The following ZNF175 variants were observed in gnomAD, a reference collection of about 807,000 sequenced individuals.
ZNF175 encodes the protein zinc finger protein OTK18.
A neutral mutation model predicts 14.0 loss-of-function variants in ZNF175; 8 were observed. That is an observed-to-expected ratio of 0.57 (90% confidence interval 0.34 to 1.03). ZNF175 has a LOEUF of 1.03. ZNF175 is among the 50% of genes least tolerant of loss of function. ZNF175 has a pLI of 0.03. For missense variants in ZNF175, 764 were observed against 849.5 expected, an observed-to-expected ratio of 0.90 and a Z score of 1.25; for synonymous variants, 255 against 296.8, an observed-to-expected ratio of 0.86 and a Z score of 1.45.
intron 2 of ZNF175, chr19:51,573,635 TC>T (rs1448020405): frequency 3.9e-6 from 2 of 515,940 alleles, no homozygotes; most frequent in Non-Finnish European, 6.7e-6. Context: ...GAAACTGTAG[TC>T]CCTGGTCTGA....
rs1056744832 is a variant in ZNF175, at chr19:51,581,474, C to T, written c.156C>T (p.Tyr52=). ...QQLDPAQRCL[Y]RDVMLELYSH... is the part of the protein sequence containing the mutation. ...TGGACCCTGCCCAGAGATGCCTGTA[C>T]CGGGATGTGATGCTGGAGCTCTATA... is the stretch of plus-strand genomic sequence containing the variant. Residue 52 remains tyrosine, a synonymous_variant, in exon 3 of 5, where the codon TAC becomes TAT. Coordinates refer to ENST00000262259, the MANE Select transcript of ZNF175 (RefSeq NM_007147.4). The T allele has an allele frequency of 3.1e-6, 5 of 1,613,936 alleles. No homozygotes were observed. The African/African-American group carries it at 6.7e-5, about 22-fold the overall frequency.
At chr19:51,579,188 G>A (rs1444823434) in intron 2 of ZNF175, among the ~76,000 whole-genome samples, 1 of 149,908 alleles carries the variant, frequency 6.7e-6, no homozygotes, top group Non-Finnish European at 1.5e-5. Context: ...AGGAGTCAGA[G>A]GCTGCAGTGA....
Position 51,586,743 on chromosome 19 carries a change from C to A in ZNF175, c.412C>A (p.Leu138Met). 6.2e-7 allele frequency: 1 copy of A among 1,614,190 alleles called. No individual in the cohort carries two copies. Among genetic ancestry groups the A allele is most frequent in the Non-Finnish European group, 8.5e-7 (1 of 1,180,028 alleles). The change falls in exon 5 of 5, where the codon CTG becomes ATG. Residue 138 changes from leucine to methionine, a missense_variant. Transcript: ENST00000262259. ...DGSWCSILEE[L>M]RLDADRTKKD... ...TTCATGGTGTTCCATTTTAGAAGAA[C>A]TGAGGCTGGATGCTGACCGCACAAA...
intron 2 of ZNF175, among the ~76,000 whole-genome samples, chr19:51,579,567 T>C (rs914074385): frequency 2.5e-4 from 38 of 152,206 alleles, no homozygotes; most frequent in Non-Finnish European, 7.3e-5. Context: ...CTCCCATGCC[T>C]GTACCAAAAT....
At position 51,587,780 on chromosome 19, in the gene ZNF175, C is replaced by T. The variant is rs765177759; in HGVS notation, c.1449C>T (p.Ser483=). The change falls in exon 5 of 5, where the codon TCC becomes TCT. Residue 483 remains serine, a synonymous_variant. Transcript: ENST00000262259. Reference sequence around the variant, plus strand: ...ATCAGTGCCACAACTGTGGGAAATCCTTCATTTCCAAGTCACAGCTTGATA... The same window carrying T: ...ATCAGTGCCACAACTGTGGGAAATCTTTCATTTCCAAGTCACAGCTTGATA... ...KPYQCHNCGK[S]FISKSQLDIH... is the part of the protein sequence containing the mutation. The T allele has an allele frequency of 6.2e-7, 1 of 1,614,150 alleles. No homozygotes were observed. The highest frequency in any genetic ancestry group is 8.5e-7 in the Non-Finnish European group (1 of 1,180,018).
At position 51,587,740 on chromosome 19, in the gene ZNF175, C is replaced by T; in HGVS notation, c.1409C>T (p.Thr470Ile). ...AHLIVHQRSH[T>I]GEKPYQCHNC... The stretch of plus-strand genomic sequence containing the variant: ...CTGATTGTCCATCAAAGAAGCCACA[C>T]AGGAGAAAAACCTTATCAGTGCCAC... Residue 470 changes from threonine (T) to isoleucine (I), a missense_variant, in exon 5 of 5, where the codon ACA (threonine) becomes ATA (isoleucine). Coordinates refer to ENST00000262259, the MANE Select transcript of ZNF175 (RefSeq NM_007147.4). 1.2e-6 allele frequency: 2 copies of T among 1,614,176 alleles called. No individual in the cohort carries two copies. The highest frequency in any genetic ancestry group is 1.7e-6 in the Non-Finnish European group (2 of 1,180,038).
At position 51,585,625 on chromosome 19, in the gene ZNF175, C is replaced by T. The variant is rs143294190; in HGVS notation, c.296-1002C>T. 3.0e-3 allele frequency among the ~76,000 whole-genome samples: 454 copies of T among 152,090 alleles called. 2 individuals are homozygous for T. The highest frequency in any genetic ancestry group is 0.011 in the African/African-American group (436 of 41,482). ...AGAAACTACATGTGATGTTCATACT[C>T]AGTATTAAAATCTGGTAGAAAAAGT... On this transcript the variant is annotated intron_variant, in intron 4 of 4. Transcript: ENST00000262259.
At chr19:51,575,157 T>C (rs2122559261) in intron 2 of ZNF175, among the ~76,000 whole-genome samples, 1 of 151,910 alleles carries the variant, frequency 6.6e-6, no homozygotes, top group East Asian at 1.9e-4. Context: ...TTACTTTTTC[T>C]TACCTTTTGA....
In ZNF175 at chr19:51,586,910, A is replaced by G; in HGVS notation, c.579A>G (p.Lys193=). The G allele has an allele frequency of 1.2e-6, 2 of 1,614,210 alleles. No homozygotes were observed. Among genetic ancestry groups the G allele is most frequent in the Non-Finnish European group, 1.7e-6 (2 of 1,180,032 alleles). ...GGCCCCACCTTGCTTCTTCACAGAA[A>G]CAACCTCAGAAATGTTGCTTATTTA... is the stretch of plus-strand genomic sequence containing the variant. ...RTRPHLASSQ[K]QPQKCCLFTE... Residue 193 remains lysine (K), a synonymous_variant, in exon 5 of 5, where the codon AAA becomes AAG. Coordinates refer to ENST00000262259, the MANE Select transcript of ZNF175 (RefSeq NM_007147.4).
In ZNF175 at chr19:51,581,784, C is replaced by G. The variant is rs1173067068; in HGVS notation, c.200-3C>G. On this transcript the variant is annotated splice_polypyrimidine_tract_variant and splice_region_variant and intron_variant, in intron 3 of 4. Coordinates refer to ENST00000262259, the MANE Select transcript of ZNF175 (RefSeq NM_007147.4). Reference sequence around the variant, plus strand: ...CAAATCCAGTATCCTTTCTAATTAACAGGGTATCACATTCCCAACCCAGAG... The same window carrying G: ...CAAATCCAGTATCCTTTCTAATTAAGAGGGTATCACATTCCCAACCCAGAG... 1.2e-6 allele frequency: 2 copies of G among 1,613,492 alleles called. No homozygotes were observed.
rs1329252402 is a variant in ZNF175 at position 51,587,914 on chromosome 19, A to G, written c.1583A>G (p.Glu528Gly). 9 of 1,614,186 alleles carry G rather than the reference A, an allele frequency of 5.6e-6. No individual in the cohort carries two copies. The highest frequency in any genetic ancestry group is 6.8e-6 in the Non-Finnish European group (8 of 1,180,024). ...LNIHQKIHTG[E>G]RHHVCSECGK... ...ATACACCAGAAAATTCATACTGGAG[A>G]AAGACACCATGTATGCAGTGAATGC... Residue 528 changes from glutamate to glycine, a missense_variant, in exon 5 of 5, where the codon GAA becomes GGA. Coordinates refer to ENST00000262259, the MANE Select transcript of ZNF175 (RefSeq NM_007147.4).
Position 51,577,768 on chromosome 19 carries a change from A to G in ZNF175, c.73-3623A>G, listed in dbSNP as rs567181445. 6.9e-3 allele frequency among the ~76,000 whole-genome samples: 1,002 copies of G among 145,388 alleles called. 13 individuals carry two copies. Among genetic ancestry groups the G allele is most frequent in the African/African-American group, 0.025 (965 of 38,926 alleles). On this transcript the variant is annotated intron_variant, in intron 2 of 4. Coordinates refer to ENST00000262259, the MANE Select transcript of ZNF175 (RefSeq NM_007147.4). ...AAGCTCCGCCTCCCGGGTTCACGCCATTCTCCTGCTTCAGCCTCCCGAGTA... is the reference window on the plus strand; with the variant it reads ...AAGCTCCGCCTCCCGGGTTCACGCCGTTCTCCTGCTTCAGCCTCCCGAGTA...
rs945441545 is a variant in ZNF175, at chr19:51,592,380, G to A, written c.*3913G>A. 8.5e-5 allele frequency: 36 copies of A among 423,694 alleles called. No homozygotes were observed. Among genetic ancestry groups the A allele is most frequent in the Non-Finnish European group, 1.2e-4 (28 of 241,484 alleles). The allele number at this position is 423,694 out of a possible 1,614,324, so 26.2% of individuals were successfully genotyped here. ...TGTGGCTCCTTTGCAGATTACATGCGTTAATTATGTAAAGTCAAGCATTAG... is the reference window on the plus strand; with the variant it reads ...TGTGGCTCCTTTGCAGATTACATGCATTAATTATGTAAAGTCAAGCATTAG... On this transcript the variant is annotated 3_prime_UTR_variant, in exon 5 of 5. Transcript: ENST00000262259.
rs139991277 is a variant in ZNF175 at position 51,588,088 on chromosome 19, C to T, written c.1757C>T (p.Pro586Leu). The change falls in exon 5 of 5, where the codon CCC (proline) becomes CTC (leucine). Residue 586 changes from proline (P) to leucine (L), a missense_variant. Physicochemically the swap from Pro to Leu is moderately conservative, Grantham distance 98 (BLOSUM62 -3). Transcript: ENST00000262259. ...CAGCGAATTCACACGGGTGAGAAAC[C>T]CTATGTGTGCACTGAATGTGGGAAG... is the stretch of plus-strand genomic sequence containing the variant. ...EHQRIHTGEKPYVCTECGKAF... is the reference protein window; with the variant it reads ...EHQRIHTGEKLYVCTECGKAF... 6 of 1,614,174 alleles carry T rather than the reference C, an allele frequency of 3.7e-6. No individual in the cohort carries two copies. The highest frequency in any genetic ancestry group is 5.1e-6 in the Non-Finnish European group (6 of 1,180,030).
rs775888798 is a variant in ZNF175, at chr19:51,581,765, C to T, written c.200-22C>T. On this transcript the variant is annotated intron_variant, in intron 3 of 4. Coordinates refer to ENST00000262259, the MANE Select transcript of ZNF175 (RefSeq NM_007147.4). ...AAACTGAAGAAGCTACACCCAAATC[C>T]AGTATCCTTTCTAATTAACAGGGTA... 2.5e-6 allele frequency: 4 copies of T among 1,611,748 alleles called. No homozygotes were observed. The South Asian group carries it at 4.4e-5, about 18-fold the overall frequency.
chr19:51,574,660 C>T (rs569596677), intron 2 of ZNF175, among the ~76,000 whole-genome samples: 123 of 152,154 alleles, frequency 8.1e-4, no homozygotes, highest in Non-Finnish European at 1.6e-3. Context: ...TAGAGTGAGA[C>T]CCTGTCTCAA....
chr19:51,578,493 C>T (rs1190950728), intron 2 of ZNF175, among the ~76,000 whole-genome samples: 1 of 151,506 alleles, frequency 6.6e-6, no homozygotes, highest in Non-Finnish European at 1.5e-5. Context: ...GACGGCTGGG[C>T]GTGGTGGCTT....
chr19:51,577,124 G>A lies in ZNF175; in HGVS notation c.72+3723G>A, dbSNP rs542285827. On this transcript the variant is annotated intron_variant, in intron 2 of 4. Transcript: ENST00000262259. ...AAAGTGAAATGATATGAAAATGAATGATATGAAAATGTCACGCCAAAAAGC... is the reference window on the plus strand; with the variant it reads ...AAAGTGAAATGATATGAAAATGAATAATATGAAAATGTCACGCCAAAAAGC... 2.6e-5 allele frequency among the ~76,000 whole-genome samples: 4 copies of A among 152,160 alleles called. No homozygotes were observed. The South Asian group carries it at 8.3e-4, about 32-fold the overall frequency.
Position 51,588,125 on chromosome 19 carries a change from C to G in ZNF175, c.1794C>G (p.Gly598=). The change falls in exon 5 of 5, where the codon GGC becomes GGG. Residue 598 remains glycine, a synonymous_variant. Transcript: ENST00000262259. ...VCTECGKAFN[G]RSNFHKHQIT... The stretch of plus-strand genomic sequence containing the variant: ...CTGAATGTGGGAAGGCCTTCAACGG[C>G]AGGTCAAATTTCCATAAACATCAAA... The G allele has an allele frequency of 6.2e-7, 1 of 1,614,144 alleles. No homozygotes were observed. The highest frequency in any genetic ancestry group is 8.5e-7 in the Non-Finnish European group (1 of 1,180,018).
Sources: gnomAD v4.1 joint callset for allele counts (sites outside exome capture counted in the v4.1 genomes callset) on GRCh38, gnomAD v4.1.1 for gene constraint, MANE v1.5 for transcripts, NCBI Gene and HGNC (gene_info 2026-07-23, HGNC 2026-07-21) for gene names.